STRN: variants seen among roughly 807,000 people sequenced by gnomAD.
STRN encodes protein phosphatase 2 regulatory subunit B'''alpha.
STRN carries 53 observed loss-of-function variants against 96.3 expected under a neutral mutation model. The ratio of observed to expected loss-of-function variants is 0.55; its 90% CI spans 0.44 to 0.69. The LOEUF (loss-of-function observed/expected upper bound fraction) is 0.69, where lower values mean the gene tolerates loss of function less well. STRN is among the 30% of genes least tolerant of loss of function. The pLI is 0.00. For synonymous variants in STRN, 428 were observed against 355.9 expected, an observed-to-expected ratio of 1.20 and a Z score of -2.28; for missense variants, 987 against 963.9, an observed-to-expected ratio of 1.02 and a Z score of -0.32.
chr2:36,893,992 TCGATCTTCAC>T lies in STRN; in HGVS notation c.827_836del (p.Gly276GlufsTer7). On this transcript the variant is annotated frameshift_variant, in exon 7 of 18. Transcript: ENST00000263918. LOFTEE classifies it high-confidence loss of function. ...ACTCCTTTAGAGCTTCTTTTGTATCTCGATCTTCACCGCTGTCAGGCAATGCTTTTTTCCT... is the reference window on the plus strand; with the variant it reads ...ACTCCTTTAGAGCTTCTTTTGTATCTCGCTGTCAGGCAATGCTTTTTTCCT... 6.2e-7 allele frequency: 1 copy of T among 1,613,616 alleles called. No homozygotes were observed. The highest frequency in any genetic ancestry group is 8.5e-7 in the Non-Finnish European group (1 of 1,179,856).
rs760590559 is a variant in STRN at position 36,894,039 on chromosome 2, GA to G, written c.796-7del. ...AATGCTTTTTTCCTAACAATCTAAT[GA>G]AAAAACATGCTAAATTAAATAAAGG... On this transcript the variant is annotated splice_region_variant and splice_polypyrimidine_tract_variant and intron_variant, in intron 6 of 17. Transcript: ENST00000263918. The G allele has an allele frequency of 5.6e-6, 9 of 1,603,598 alleles. No homozygotes were observed. The African/African-American group carries it at 1.2e-4, about 22-fold the overall frequency.
intron 16 of STRN, among the ~76,000 whole-genome samples, chr2:36,850,491 G>C (rs1026513708): frequency 1.3e-5 from 2 of 152,096 alleles, no homozygotes; most frequent in African/African-American, 4.8e-5. Flanking sequence ...ATACAGAAAA[G>C]ATTAGTCTAT....
At chr2:36,899,074 A>C (rs1669616603) in intron 6 of STRN, among the ~76,000 whole-genome samples, 3 of 152,196 alleles carry the variant, frequency 2.0e-5, no homozygotes, top group Non-Finnish European at 4.4e-5. Flanking sequence ...GAAGAACCCT[A>C]AACAATTTTG....
intron 1 of STRN, among the ~76,000 whole-genome samples, chr2:36,942,861 A>C (rs1333942103): frequency 1.3e-5 from 2 of 149,012 alleles, no homozygotes; most frequent in Non-Finnish European, 3.0e-5. Context: ...ACACCCAGCT[A>C]ATTTTTGAAT....
chr2:36,950,196 T>C (rs1664717765), intron 1 of STRN, among the ~76,000 whole-genome samples: 1 of 149,808 alleles, frequency 6.7e-6, no homozygotes, highest in Non-Finnish European at 1.5e-5. Context: ...TTGTTACTGG[T>C]TGGTTGGTTT....
chr2:36,946,353 T>A (rs541714454), intron 1 of STRN, among the ~76,000 whole-genome samples: 1 of 152,180 alleles, frequency 6.6e-6, no homozygotes, highest in African/African-American at 2.4e-5. Flanking sequence ...AGCTTTCCCA[T>A]GTGTTGGAAA....
rs112522593 is a variant in STRN, at chr2:36,874,181, G to A, written c.1323+3710C>T. Among the ~76,000 whole-genome samples, 603 of 151,478 alleles carry A rather than the reference G, an allele frequency of 4.0e-3. 3 individuals are homozygous for A. Among genetic ancestry groups the A allele is most frequent in the African/African-American group, 0.014 (582 of 41,244 alleles). On this transcript the variant is annotated intron_variant, in intron 10 of 17. Transcript: ENST00000263918. ...TGGATGGCTGAGGCAGGAGAAGGGC[G>A]TGAACTCGGTAGGCGGAGCTTGCAG... is the stretch of plus-strand genomic sequence containing the variant.
At chr2:36,875,904 G>A (rs556553236) in intron 10 of STRN, among the ~76,000 whole-genome samples, 3 of 152,172 alleles carry the variant, frequency 2.0e-5, no homozygotes, top group East Asian at 1.9e-4. Flanking sequence ...TGATCTGCCC[G>A]CCTCGGCCTC....
intron 7 of STRN, among the ~76,000 whole-genome samples, chr2:36,890,081 C>A (rs377484134): frequency 2.6e-5 from 4 of 152,190 alleles, no homozygotes; most frequent in African/African-American, 9.6e-5. Context: ...TATATCTATG[C>A]AGATGTGTGA....
At chr2:36,873,140 C>G (rs531406530) in intron 10 of STRN, among the ~76,000 whole-genome samples, 1 of 152,192 alleles carries the variant, frequency 6.6e-6, no homozygotes, top group Non-Finnish European at 1.5e-5. Flanking sequence ...TAGAAAAAGC[C>G]AAGCTTGCAG....
At position 36,925,111 on chromosome 2, in the gene STRN, T is replaced by C; in HGVS notation, c.332A>G (p.Gln111Arg). The C allele has an allele frequency of 6.2e-7, 1 of 1,609,862 alleles. No individual in the cohort carries two copies. The highest frequency in any genetic ancestry group is 8.5e-7 in the Non-Finnish European group (1 of 1,176,630). ...RIKMLEYALK[Q>R]ERAKYHKLKY... ...TTTCATTTTACTGAATTACCTTTCC[T>C]GTTTAAGAGCATACTCCAACATTTT... The change falls in exon 2 of 18, where the codon CAG (glutamine) becomes CGG (arginine). Residue 111 changes from glutamine to arginine, a missense_variant. Transcript: ENST00000263918.
At chr2:36,946,467 T>C (rs1670987411) in intron 1 of STRN, among the ~76,000 whole-genome samples, 1 of 152,206 alleles carries the variant, frequency 6.6e-6, no homozygotes, top group Non-Finnish European at 1.5e-5. Flanking sequence ...AGGATATCTC[T>C]ACTTAAGGAA....
At chr2:36,915,672 C>T (rs1670077824) in intron 3 of STRN, among the ~76,000 whole-genome samples, 1 of 152,178 alleles carries the variant, frequency 6.6e-6, no homozygotes, top group South Asian at 2.1e-4. Context: ...AGGAATTCCT[C>T]CATGCTTTAA....
intron 15 of STRN, among the ~76,000 whole-genome samples, chr2:36,853,156 C>CA (rs36041377): frequency 0.82 from 124,085 of 150,452 alleles, 53,988 homozygotes; most frequent in Non-Finnish European, 0.96. Context: ...GACTCTGTCT[C>CA]AAAAAAAAAT....
rs1268376395 is a variant in STRN at position 36,848,828 on chromosome 2, G to C, written c.*628C>G. On this transcript the variant is annotated 3_prime_UTR_variant, in exon 18 of 18. Transcript: ENST00000263918. ...AATCTGCTTGCAAACTATTTGTCTA[G>C]CATTTCTGAATAATAATATATTTAA... 1 of 152,448 alleles carries C rather than the reference G, an allele frequency of 6.6e-6. No individual in the cohort carries two copies. Among genetic ancestry groups the C allele is most frequent in the Non-Finnish European group, 1.5e-5 (1 of 68,016 alleles). The allele number at this position is 152,448 out of a possible 1,614,324, so 9.4% of individuals were successfully genotyped here.
intron 2 of STRN, among the ~76,000 whole-genome samples, chr2:36,922,999 G>A (rs1164178474): frequency 6.6e-6 from 1 of 151,946 alleles, no homozygotes; most frequent in Non-Finnish European, 1.5e-5. Context: ...AAAATTAGCT[G>A]GGCATGGTGG....
At chr2:36,881,598 G>T (rs535873371) in intron 9 of STRN, among the ~76,000 whole-genome samples, 6 of 152,234 alleles carry the variant, frequency 3.9e-5, no homozygotes, top group Admixed American at 1.3e-4. Context: ...CAAAAAACCT[G>T]CACTGAGGGG....
At chr2:36,874,751 A>G (rs1668858191) in intron 10 of STRN, among the ~76,000 whole-genome samples, 1 of 151,064 alleles carries the variant, frequency 6.6e-6, no homozygotes, top group African/African-American at 2.4e-5. Flanking sequence ...CACCTCTGCC[A>G]ACTAGAATTC....
chr2:36,864,626 G>C lies in STRN; in HGVS notation c.1547+3188C>G, dbSNP rs116199648. ...TTGGCCTGAAGTTTTCCTTTCTGTT[G>C]TATCTCTGCCAGGTTTTGGTATCAG... On this transcript the variant is annotated intron_variant, in intron 12 of 17. Transcript: ENST00000263918. 3.8e-3 allele frequency among the ~76,000 whole-genome samples: 580 copies of C among 152,272 alleles called. 3 individuals carry two copies. Among genetic ancestry groups the C allele is most frequent in the African/African-American group, 0.014 (562 of 41,560 alleles).
Sources: gnomAD v4.1 joint callset for allele counts (sites outside exome capture counted in the v4.1 genomes callset) on GRCh38, gnomAD v4.1.1 for gene constraint, MANE v1.5 for transcripts, NCBI Gene and HGNC (gene_info 2026-07-23, HGNC 2026-07-21) for gene names.